The following DENND1B variants were observed in gnomAD, a reference collection of about 807,000 sequenced individuals.
The protein encoded by DENND1B is DENN domain-containing protein 1B.
DENND1B carries 59 observed loss-of-function variants against 90.1 expected under a neutral mutation model. That is an observed-to-expected ratio of 0.65 (90% confidence interval 0.53 to 0.81). The LOEUF (loss-of-function observed/expected upper bound fraction) is 0.81, where lower values mean the gene tolerates loss of function less well. DENND1B is among the 40% of genes least tolerant of loss of function. The pLI is 0.00. For missense variants in DENND1B, 862 were observed against 912.6 expected (o/e 0.94, Z 0.71); for synonymous variants, 337 against 324.6 (o/e 1.04, Z -0.41).
chr1:197,760,067 C>T (rs61829349), intron 2 of DENND1B, among the ~76,000 whole-genome samples: 8,397 of 152,088 alleles, frequency 0.055, 315 homozygotes, highest in Non-Finnish European at 0.087. Context: ...TTTTGAAGAA[C>T]TAAGATACCC....
At chr1:197,548,157 G>A (rs865922211) in intron 16 of DENND1B, among the ~76,000 whole-genome samples, 52 of 152,276 alleles carry the variant, frequency 3.4e-4, no homozygotes, top group African/African-American at 1.1e-3. Flanking sequence ...AAAGGTTAGG[G>A]TCTTATTTAG....
At chr1:197,776,880 C>T (rs1263605967), upstream of DENND1B, among the ~76,000 whole-genome samples, 1 of 151,864 alleles carries the variant, frequency 6.6e-6, no homozygotes, top group Admixed American at 6.6e-5. Flanking sequence ...GGGTGAGACA[C>T]TTCAGTTTCT....
At chr1:197,747,273 C>T (rs943701320) in intron 2 of DENND1B, 15 of 618,850 alleles carry the variant, frequency 2.4e-5, no homozygotes, top group Admixed American at 2.3e-4. Context: ...CATTTACATT[C>T]GACTCTGTTT....
chr1:197,581,849 G>A (rs1343835316), intron 15 of DENND1B, among the ~76,000 whole-genome samples: 1 of 152,126 alleles, frequency 6.6e-6, no homozygotes, highest in African/African-American at 2.4e-5. Context: ...GGAAGATAGT[G>A]CCTCTTCTTG....
chr1:197,525,811 T>A (rs1571737683), intron 20 of DENND1B, among the ~76,000 whole-genome samples: 1 of 152,044 alleles, frequency 6.6e-6, no homozygotes, highest in Non-Finnish European at 1.5e-5. Context: ...ATCAAAGGTC[T>A]TAACAGAAAT....
intron 3 of DENND1B, among the ~76,000 whole-genome samples, chr1:197,714,319 C>G (rs555935361): frequency 6.6e-6 from 1 of 151,986 alleles, no homozygotes; most frequent in African/African-American, 2.4e-5. Context: ...ATCCTTAAAT[C>G]TGTATTATTT....
intron 5 of DENND1B, among the ~76,000 whole-genome samples, chr1:197,660,533 G>A (rs929693373): frequency 4.6e-5 from 7 of 151,906 alleles, no homozygotes; most frequent in African/African-American, 1.7e-4. Context: ...TCTCCAGACT[G>A]AAAGAATGAG....
In DENND1B at chr1:197,505,418, G is replaced by A. The variant is rs935497834; in HGVS notation, c.*5042C>T. On this transcript the variant is annotated 3_prime_UTR_variant, in exon 23 of 23. Transcript: ENST00000620048. Reference sequence around the variant, plus strand: ...ATAACAGAGATGAATAGACTTATAGGTTCATCATATCAAAGAAGTAATCAT... The same window carrying A: ...ATAACAGAGATGAATAGACTTATAGATTCATCATATCAAAGAAGTAATCAT... 4.0e-5 allele frequency: 6 copies of A among 151,280 alleles called. No homozygotes were observed. Among genetic ancestry groups the A allele is most frequent in the Non-Finnish European group, 1.5e-5 (1 of 67,642 alleles). 9.4% of individuals were successfully genotyped at this position (151,280 alleles called of 1,614,324 possible). A position where few individuals can be genotyped will look rare whatever the true frequency, so the allele number is the denominator to read the frequency against.
At chr1:197,668,483 A>C (rs187726610) in intron 5 of DENND1B, among the ~76,000 whole-genome samples, 94 of 151,772 alleles carry the variant, frequency 6.2e-4, no homozygotes, top group Non-Finnish European at 1.1e-3. Context: ...AACACTTTTA[A>C]ATTTATTTTT....
intron 13 of DENND1B, among the ~76,000 whole-genome samples, chr1:197,603,276 T>G (rs572108157): frequency 1.3e-5 from 2 of 151,508 alleles, no homozygotes; most frequent in African/African-American, 4.8e-5. Flanking sequence ...CAAGTAAGCT[T>G]CTATAATATA....
chr1:197,696,678 A>G (rs1658463474), intron 3 of DENND1B, among the ~76,000 whole-genome samples: 1 of 151,554 alleles, frequency 6.6e-6, no homozygotes, highest in Admixed American at 6.6e-5. Flanking sequence ...TTCTTAAATT[A>G]CCTTGCCTAT....
intron 2 of DENND1B, among the ~76,000 whole-genome samples, chr1:197,759,114 G>A (rs1571646281): frequency 6.6e-6 from 1 of 151,290 alleles, no homozygotes; most frequent in East Asian, 2.0e-4. Flanking sequence ...GGGACTACAG[G>A]TGCACACCAC....
chr1:197,676,590 C>T (rs1656102296), intron 3 of DENND1B, among the ~76,000 whole-genome samples: 1 of 151,982 alleles, frequency 6.6e-6, no homozygotes, highest in Admixed American at 6.6e-5. Flanking sequence ...CAGAATCCTC[C>T]TAACTCTCCA....
At chr1:197,633,025 C>A (rs531475237) in intron 10 of DENND1B, among the ~76,000 whole-genome samples, 3 of 152,110 alleles carry the variant, frequency 2.0e-5, no homozygotes, top group Non-Finnish European at 4.4e-5. Flanking sequence ...GATTGAGATT[C>A]TTTGAGAATG....
chr1:197,601,309 CTCAA>C (rs780641520), intron 13 of DENND1B, among the ~76,000 whole-genome samples: 35 of 151,774 alleles, frequency 2.3e-4, no homozygotes, highest in Admixed American at 7.2e-4. Context: ...CTCCAGTTGA[CTCAA>C]TCAAAGTATC....
At chr1:197,667,621 G>A (rs922105662) in intron 5 of DENND1B, among the ~76,000 whole-genome samples, 2 of 151,980 alleles carry the variant, frequency 1.3e-5, no homozygotes, top group African/African-American at 4.8e-5. Flanking sequence ...GTAGAGACGG[G>A]GTTTCTTGAC....
Position 197,545,922 on chromosome 1 carries a change from A to G in DENND1B, c.1350T>C (p.Phe450=). The change falls in exon 18 of 23, where the codon TTT becomes TTC. Residue 450 remains phenylalanine (F), a splice_region_variant and synonymous_variant. Transcript: ENST00000620048. ...ATTGTTAAATATCAAAAAAACTTACAAATTTATATGCTGTCCGTACAGCAG... is the reference window on the plus strand; with the variant it reads ...ATTGTTAAATATCAAAAAAACTTACGAATTTATATGCTGTCCGTACAGCAG... The part of the protein sequence containing the change: ...ATPAVRTAYK[F]AKNHAKLGLK... 6.3e-7 allele frequency: 1 copy of G among 1,598,594 alleles called. No homozygotes were observed. Among genetic ancestry groups the G allele is most frequent in the African/African-American group, 1.3e-5 (1 of 74,146 alleles).
intron 15 of DENND1B, among the ~76,000 whole-genome samples, chr1:197,582,355 CA>C (rs1417972426): frequency 6.6e-6 from 1 of 152,130 alleles, no homozygotes; most frequent in African/African-American, 2.4e-5. Flanking sequence ...TTCTCAAGGG[CA>C]TTACTGAGTT....
intron 20 of DENND1B, among the ~76,000 whole-genome samples, chr1:197,535,275 T>C (rs1669793009): frequency 6.6e-6 from 1 of 152,230 alleles, no homozygotes; most frequent in African/African-American, 2.4e-5. Flanking sequence ...TCTGTTTTTG[T>C]TATTTTGCAA....
Sources: allele counts gnomAD v4.1 joint callset (sites outside exome capture counted in the v4.1 genomes callset), GRCh38; gene constraint gnomAD v4.1.1; transcripts MANE v1.5; gene names NCBI Gene and HGNC (gene_info 2026-07-23, HGNC 2026-07-21).